The following APOBEC3H variants were observed in gnomAD, a reference collection of about 807,000 sequenced individuals.
The protein encoded by APOBEC3H is apolipoprotein B mRNA editing enzyme catalytic subunit 3H, also known as DNA dC->dU-editing enzyme APOBEC-3H.
A neutral mutation model predicts 21.2 loss-of-function variants in APOBEC3H; 8 were observed. The ratio of observed to expected loss-of-function variants is 0.38; its 90% CI spans 0.22 to 0.68. The LOEUF (loss-of-function observed/expected upper bound fraction) is 0.68, where lower values mean the gene tolerates loss of function less well. Ranked by LOEUF, APOBEC3H falls within the 30% of genes least tolerant of loss-of-function variation. The pLI is 0.52. For synonymous variants in APOBEC3H, 88 were observed against 91.0 expected (o/e 0.97, Z 0.19); for missense variants, 229 against 228.1 (o/e 1.00, Z -0.03).
At position 39,100,283 on chromosome 22, in the gene APOBEC3H, C is replaced by A. The variant is rs1384920902; in HGVS notation, c.5C>A (p.Ala2Asp). 7 of 1,612,620 alleles carry A rather than the reference C, an allele frequency of 4.3e-6. No homozygotes were observed. The highest frequency in any genetic ancestry group is 3.3e-5 in the Admixed American group (2 of 59,982). Residue 2 changes from alanine to aspartate, a missense_variant, in exon 2 of 5, where the codon GCT (alanine) becomes GAT (aspartate). Physicochemically the swap from Ala to Asp is moderately radical, Grantham distance 126 (BLOSUM62 -2). Coordinates refer to ENST00000442487, the MANE Select transcript of APOBEC3H (RefSeq NM_181773.5). M[A>D]LLTAETFRLQ... ...TTTCTGTTGCACAGAAACACGATGG[C>A]TCTGTTAACAGCCGAAACATTCCGC... is the stretch of plus-strand genomic sequence containing the variant.
intron 2 of APOBEC3H, chr22:39,100,644 C>T (rs2146318535): frequency 1.7e-6 from 1 of 590,226 alleles, no homozygotes; most frequent in East Asian, 2.9e-5. Context: ...GTCCCCGGAC[C>T]TCTGAAGAGG....
intron 4 of APOBEC3H, among the ~76,000 whole-genome samples, chr22:39,103,093 G>C (rs1929468005): frequency 6.6e-6 from 1 of 151,792 alleles, no homozygotes; most frequent in Non-Finnish European, 1.5e-5. Context: ...TCAAAGACCA[G>C]CCTGGGCAAC....
In APOBEC3H at chr22:39,097,344, G is replaced by C. The variant is rs1305775344; in HGVS notation, c.-8+1G>C. 6.6e-6 allele frequency: 1 copy of C among 152,384 alleles called. No individual in the cohort carries two copies. Among genetic ancestry groups the C allele is most frequent in the Non-Finnish European group, 1.5e-5 (1 of 68,164 alleles). 9.4% of individuals were successfully genotyped at this position (152,384 alleles called of 1,614,324 possible). A position where few individuals can be genotyped will look rare whatever the true frequency, so the allele number is the denominator to read the frequency against. ...AGCTGTGGCCAGAAGCACAGATCAG[G>C]TACTGCCGCCCACTCTGTCCACTGG... On this transcript the variant is annotated splice_donor_variant, in intron 1 of 4. Coordinates refer to ENST00000442487, the MANE Select transcript of APOBEC3H (RefSeq NM_181773.5). LOFTEE classifies it low-confidence loss of function (5UTR_SPLICE).
chr22:39,101,156 G>A (rs1428220929), intron 2 of APOBEC3H, 81 bp from the exon 3 acceptor site: 2 of 60,988 alleles, frequency 3.3e-5, no homozygotes, highest in Non-Finnish European at 6.1e-5. Flanking sequence ...CCCCGCCCCC[G>A]TCCCGGCCCC....
chr22:39,099,119 C>T (rs140256625), intron 1 of APOBEC3H, among the ~76,000 whole-genome samples: 56 of 152,042 alleles, frequency 3.7e-4, no homozygotes, highest in African/African-American at 1.2e-3. Context: ...TGCTTGAACC[C>T]GGGAGAATCA....
chr22:39,103,001 C>T (rs139309), intron 4 of APOBEC3H, among the ~76,000 whole-genome samples: 2 of 132,866 alleles, frequency 1.5e-5, no homozygotes, highest in Non-Finnish European at 1.6e-5. Flanking sequence ...ATTAACTCAA[C>T]ATGTGCTGAG....
At chr22:39,102,569 T>C in intron 4 of APOBEC3H, 1 of 718,394 alleles carries the variant, frequency 1.4e-6, no homozygotes, top group Non-Finnish European at 2.6e-6. Flanking sequence ...TGCTGAGGTC[T>C]GAGTCACCCA....
rs924153597 is a variant in APOBEC3H, at chr22:39,101,267, A to G, written c.181A>G (p.Asn61Asp). 100 of 1,612,290 alleles carry G rather than the reference A, an allele frequency of 6.2e-5. No individual in the cohort carries two copies. The highest frequency in any genetic ancestry group is 8.4e-5 in the Non-Finnish European group (99 of 1,179,650). ...KKCHAEICFI[N>D]EIKSMGLDET... The stretch of plus-strand genomic sequence containing the variant: ...GTGCCATGCAGAAATTTGCTTTATT[A>G]ACGAGATCAAGTCCATGGGACTGGA... Residue 61 changes from asparagine (N) to aspartate (D), a missense_variant, in exon 3 of 5, where the codon AAC (asparagine) becomes GAC (aspartate). Asn to Asp is a conservative substitution (Grantham distance 23). Coordinates refer to ENST00000442487, the MANE Select transcript of APOBEC3H (RefSeq NM_181773.5).
At position 39,103,811 on chromosome 22, in the gene APOBEC3H, A is replaced by C. The variant is rs1403197669; in HGVS notation, c.*114A>C. The stretch of plus-strand genomic sequence containing the variant: ...CCCTGGGGCATGTCAGTTGCCTCAT[A>C]GCCTGCTGGTCCTGTAAGCAAGCAC... On this transcript the variant is annotated 3_prime_UTR_variant, in exon 5 of 5. Coordinates refer to ENST00000442487, the MANE Select transcript of APOBEC3H (RefSeq NM_181773.5). 5 of 1,356,304 alleles carry C rather than the reference A, an allele frequency of 3.7e-6. No homozygotes were observed. Among genetic ancestry groups the C allele is most frequent in the Non-Finnish European group, 5.3e-6 (5 of 945,608 alleles). 84.0% of individuals were successfully genotyped at this position (1,356,304 alleles called of 1,614,324 possible). A position where few individuals can be genotyped will look rare whatever the true frequency, so the allele number is the denominator to read the frequency against.
rs762305059 is a variant in APOBEC3H at position 39,101,511 on chromosome 22, A to G, written c.418+7A>G. Reference sequence around the variant, plus strand: ...GAGGTCATGGGCTTCCCAGGTAGGAAAGAGGCTTTGCAGTTATAAGAGTGC... The same window carrying G: ...GAGGTCATGGGCTTCCCAGGTAGGAGAGAGGCTTTGCAGTTATAAGAGTGC... On this transcript the variant is annotated splice_region_variant and intron_variant, in intron 3 of 4. Coordinates refer to ENST00000442487, the MANE Select transcript of APOBEC3H (RefSeq NM_181773.5). 1.2e-6 allele frequency: 2 copies of G among 1,602,778 alleles called. No homozygotes were observed. The highest frequency in any genetic ancestry group is 2.7e-5 in the African/African-American group (2 of 73,616).
chr22:39,101,771 C>T (rs908928240), intron 3 of APOBEC3H, 147 bp from the exon 4 acceptor site: 6 of 1,309,372 alleles, frequency 4.6e-6, no homozygotes, highest in Non-Finnish European at 6.4e-6. Context: ...AGTCAAGGCC[C>T]AAGATCTGAC....
chr22:39,099,065 G>A (rs1331140368), intron 1 of APOBEC3H, among the ~76,000 whole-genome samples: 1 of 151,996 alleles, frequency 6.6e-6, no homozygotes, highest in Non-Finnish European at 1.5e-5. Flanking sequence ...CATGAAGGAG[G>A]GCGCTTGTAA....
chr22:39,103,260 CT>C (rs1569095936), intron 4 of APOBEC3H, among the ~76,000 whole-genome samples: 2 of 152,164 alleles, frequency 1.3e-5, no homozygotes, highest in Non-Finnish European at 2.9e-5. Flanking sequence ...GCACTCCAGC[CT>C]GGGCAACAGA....
At chr22:39,100,488 A>G (rs769534739) in intron 2 of APOBEC3H, 60 bp downstream of exon 2, 1 of 1,558,744 alleles carries the variant, frequency 6.4e-7, no homozygotes, top group South Asian at 1.2e-5. Context: ...TGATGTGTGC[A>G]GAAAATACAT....
Position 39,101,219 on chromosome 22 carries a change from G to C in APOBEC3H, c.151-18G>C. On this transcript the variant is annotated intron_variant, in intron 2 of 4. Transcript: ENST00000442487. ...CTCTCTTCTCCCCTCCCTTCTCTCTGTTTGGGACCCTCCCCAGAAAAAGTG... is the reference window on the plus strand; with the variant it reads ...CTCTCTTCTCCCCTCCCTTCTCTCTCTTTGGGACCCTCCCCAGAAAAAGTG... 1 of 1,587,144 alleles carries C rather than the reference G, an allele frequency of 6.3e-7. No individual in the cohort carries two copies. Among genetic ancestry groups the C allele is most frequent in the Non-Finnish European group, 8.6e-7 (1 of 1,166,928 alleles).
In APOBEC3H at chr22:39,101,922, T is replaced by C. The variant is rs1268615119; in HGVS notation, c.423T>C (p.Phe141=). The C allele has an allele frequency of 6.2e-7, 1 of 1,613,872 alleles. No individual in the cohort carries two copies. The highest frequency in any genetic ancestry group is 2.2e-5 in the East Asian group (1 of 44,868). The change falls in exon 4 of 5, where the codon TTT becomes TTC. Residue 141 remains phenylalanine, a synonymous_variant. Coordinates refer to ENST00000442487, the MANE Select transcript of APOBEC3H (RefSeq NM_181773.5). ...GGTTTCCCTCTTCCCTCTCAGAGTTTGCTGACTGCTGGGAAAACTTTGTGG... is the reference window on the plus strand; with the variant it reads ...GGTTTCCCTCTTCCCTCTCAGAGTTCGCTGACTGCTGGGAAAACTTTGTGG... ...VPVEVMGFPE[F]ADCWENFVDH...
At chr22:39,098,567 G>A (rs1471096937) in intron 1 of APOBEC3H, among the ~76,000 whole-genome samples, 1 of 152,220 alleles carries the variant, frequency 6.6e-6, no homozygotes, top group Non-Finnish European at 1.5e-5. Context: ...TTTTGAAGGG[G>A]AGAATTTTAT....
At chr22:39,102,239 C>G (rs1929410115) in intron 4 of APOBEC3H, among the ~76,000 whole-genome samples, 197 bp downstream of exon 4, 1 of 150,936 alleles carries the variant, frequency 6.6e-6, no homozygotes, top group Non-Finnish European at 1.5e-5. Flanking sequence ...ACCTCTGCCT[C>G]CCGGGTTCAA....
Position 39,101,384 on chromosome 22 carries a change from G to C in APOBEC3H, c.298G>C (p.Asp100His), listed in dbSNP as rs201348583. 6.1e-5 allele frequency: 99 copies of C among 1,612,344 alleles called. No individual in the cohort carries two copies. The East Asian group carries it at 2.1e-3, about 34-fold the overall frequency. ...WELVDFIKAH[D>H]HLNLGIFASR... ...GCTGGTTGACTTCATCAAGGCTCAC[G>C]ACCATCTGAACCTGGGCATCTTCGC... is the stretch of plus-strand genomic sequence containing the variant. Residue 100 changes from aspartate (D) to histidine (H), a missense_variant, in exon 3 of 5, where the codon GAC becomes CAC. Asp to His is a moderately conservative substitution (Grantham distance 81). Coordinates refer to ENST00000442487, the MANE Select transcript of APOBEC3H (RefSeq NM_181773.5).
Sources: allele counts gnomAD v4.1 joint callset (sites outside exome capture counted in the v4.1 genomes callset), GRCh38; gene constraint gnomAD v4.1.1; transcripts MANE v1.5; gene names NCBI Gene and HGNC (gene_info 2026-07-23, HGNC 2026-07-21).